Variants in CSMD1 observed in about 807,000 individuals in gnomAD.
CSMD1 encodes the protein CUB and sushi domain-containing protein 1.
Under a neutral mutation model 417.5 loss-of-function variants are expected in CSMD1, and 213 were observed. The observed-to-expected ratio is 0.51, with a 90% CI of 0.46 to 0.57. The LOEUF is 0.57. Among genes scored for constraint, CSMD1 ranks in the 20% least tolerant of loss-of-function variants. The pLI is 0.00. For missense variants in CSMD1, 6,923 were observed against 4,529.7 expected (o/e 1.53, Z -15.17); for synonymous variants, 2,862 against 1,736.8 (o/e 1.65, Z -16.11).
At chr8:4,985,968 T>C (rs1041751138) in intron 1 of CSMD1, among the ~76,000 whole-genome samples, 10 of 152,184 alleles carry the variant, frequency 6.6e-5, no homozygotes, top group Admixed American at 5.2e-4. Flanking sequence ...AATGTGACTC[T>C]TCTTAGTTTG....
At chr8:4,973,280 G>A (rs527566158) in intron 1 of CSMD1, among the ~76,000 whole-genome samples, 117 of 152,146 alleles carry the variant, frequency 7.7e-4, no homozygotes, top group South Asian at 3.9e-3. Flanking sequence ...TATCTCATTC[G>A]CTTTAGGTAC....
chr8:4,685,530 C>G (rs1806315146), intron 1 of CSMD1, among the ~76,000 whole-genome samples: 1 of 151,826 alleles, frequency 6.6e-6, no homozygotes, highest in African/African-American at 2.4e-5. Context: ...GAGTCGAGAT[C>G]ACACCACTGC....
chr8:4,364,148 C>A (rs1801936171), intron 3 of CSMD1, among the ~76,000 whole-genome samples: 1 of 152,150 alleles, frequency 6.6e-6, no homozygotes, highest in South Asian at 2.1e-4. Context: ...CAAAATCTCT[C>A]TTGTACTTCA....
intron 6 of CSMD1, among the ~76,000 whole-genome samples, chr8:3,722,941 A>G (rs563835792): frequency 6.6e-6 from 1 of 152,324 alleles, no homozygotes; most frequent in East Asian, 1.9e-4. Context: ...TTCTTGCCAC[A>G]TAAATTACTA....
intron 5 of CSMD1, among the ~76,000 whole-genome samples, chr8:3,983,422 G>A (rs952613685): frequency 2.0e-5 from 3 of 151,870 alleles, no homozygotes; most frequent in South Asian, 2.1e-4. Flanking sequence ...GAGCCACCGC[G>A]CCCGGCCGCA....
chr8:3,261,545 G>A (rs969274317), intron 26 of CSMD1, among the ~76,000 whole-genome samples: 3 of 152,082 alleles, frequency 2.0e-5, no homozygotes, highest in African/African-American at 7.2e-5. Context: ...AAACCTGCGC[G>A]TGAATGTTCA....
intron 2 of CSMD1, among the ~76,000 whole-genome samples, chr8:4,606,566 T>A (rs938180918): frequency 2.6e-5 from 4 of 152,210 alleles, no homozygotes; most frequent in African/African-American, 9.6e-5. Context: ...AACACAGCAC[T>A]GTTCTCTCAA....
At chr8:3,485,564 G>GAGAC (rs1491134851) in intron 11 of CSMD1, among the ~76,000 whole-genome samples, 2 of 150,134 alleles carry the variant, frequency 1.3e-5, no homozygotes, top group African/African-American at 2.5e-5. Flanking sequence ...GAGAGAGAGA[G>GAGAC]GGAGAGAGAG....
intron 11 of CSMD1, among the ~76,000 whole-genome samples, chr8:3,473,506 C>A (rs1585216466): frequency 6.6e-6 from 1 of 152,072 alleles, no homozygotes; most frequent in Non-Finnish European, 1.5e-5. Context: ...GTTTTTAGAA[C>A]TATTTTGGCT....
chr8:3,072,437 T>C (rs1813384436), intron 49 of CSMD1, among the ~76,000 whole-genome samples: 1 of 152,134 alleles, frequency 6.6e-6, no homozygotes, highest in South Asian at 2.1e-4. Flanking sequence ...ATAGAATAAA[T>C]CAATATGCCA....
intron 54 of CSMD1, among the ~76,000 whole-genome samples, chr8:2,982,476 C>G (rs2128940498): frequency 6.6e-6 from 1 of 152,330 alleles, no homozygotes; most frequent in Middle Eastern, 3.4e-3. Flanking sequence ...TCCCCATTCT[C>G]AGTTAAGTGA....
At chr8:4,254,534 G>A (rs182514677) in intron 3 of CSMD1, among the ~76,000 whole-genome samples, 33 of 152,116 alleles carry the variant, frequency 2.2e-4, no homozygotes, top group Non-Finnish European at 4.4e-4. Flanking sequence ...AACGTATGCT[G>A]TTTATGAAGA....
chr8:3,812,771 G>A (rs1365910792), intron 5 of CSMD1, among the ~76,000 whole-genome samples: 3 of 152,080 alleles, frequency 2.0e-5, no homozygotes, highest in South Asian at 2.1e-4. Context: ...ATTAACCAAG[G>A]GTCAATGTAT....
chr8:3,707,264 A>G (rs1189957757), intron 7 of CSMD1, among the ~76,000 whole-genome samples: 3 of 152,098 alleles, frequency 2.0e-5, no homozygotes, highest in Admixed American at 6.6e-5. Context: ...TGTTGCATAT[A>G]AAACCTCATG....
intron 7 of CSMD1, among the ~76,000 whole-genome samples, chr8:3,623,431 C>T (rs1202232207): frequency 5.9e-5 from 9 of 152,128 alleles, no homozygotes; most frequent in South Asian, 4.1e-4. Context: ...GTATAAGCAA[C>T]GACATCTATG....
intron 5 of CSMD1, among the ~76,000 whole-genome samples, chr8:3,949,344 C>A (rs1205934435): frequency 6.6e-6 from 1 of 152,140 alleles, no homozygotes; most frequent in African/African-American, 2.4e-5. Context: ...TGACCAAGAT[C>A]TCCCCAACAC....
chr8:2,948,024 AT>A (rs1032656694), intron 68 of CSMD1, among the ~76,000 whole-genome samples: 2 of 151,728 alleles, frequency 1.3e-5, no homozygotes, highest in African/African-American at 4.8e-5. Flanking sequence ...AGTGGTAATC[AT>A]TACAAAATTG....
intron 54 of CSMD1, among the ~76,000 whole-genome samples, chr8:2,994,859 T>C (rs537766746): frequency 2.8e-4 from 42 of 152,260 alleles, no homozygotes; most frequent in African/African-American, 1.0e-3. Context: ...TGAATATCCA[T>C]AGGTTAAAAA....
chr8:4,004,882 C>G (rs1368702458), intron 4 of CSMD1, among the ~76,000 whole-genome samples: 2 of 151,990 alleles, frequency 1.3e-5, no homozygotes, highest in East Asian at 1.9e-4. Context: ...GTAGCTGGGA[C>G]TACAGGCGCC....
Sources: gnomAD v4.1 joint callset for allele counts (sites outside exome capture counted in the v4.1 genomes callset) on GRCh38, gnomAD v4.1.1 for gene constraint, MANE v1.5 for transcripts, NCBI Gene and HGNC (gene_info 2026-07-23, HGNC 2026-07-21) for gene names.